The following EXOC4 variants were observed in gnomAD, a reference collection of about 807,000 sequenced individuals.
EXOC4 encodes exocyst complex component 4.
Under a neutral mutation model 107.2 loss-of-function variants are expected in EXOC4, and 71 were observed. The observed-to-expected ratio is 0.66, with a 90% CI of 0.55 to 0.81. EXOC4 has a LOEUF of 0.81. Among genes scored for constraint, EXOC4 ranks in the 30% least tolerant of loss-of-function variants. The pLI is 0.00. For synonymous variants in EXOC4, 456 were observed against 441.2 expected, an observed-to-expected ratio of 1.03 and a Z score of -0.42; for missense variants, 1,108 against 1,189.6, an observed-to-expected ratio of 0.93 and a Z score of 1.01.
chr7:133,975,844 CAGGT>C lies in EXOC4; in HGVS notation c.2207-21645_2207-21642del, dbSNP rs202099452. On this transcript the variant is annotated intron_variant, in intron 14 of 17. Transcript: ENST00000253861. Reference sequence around the variant, plus strand: ...TTTTACAAATTGGGAAACTGAGTCACAGGTAGAGTAAAATAACTCAAACAAGGAC... The same window carrying C: ...TTTTACAAATTGGGAAACTGAGTCACAGAGTAAAATAACTCAAACAAGGAC... Among the ~76,000 whole-genome samples, 19 of 152,120 alleles carry C rather than the reference CAGGT, an allele frequency of 1.2e-4. No individual in the cohort carries two copies. The East Asian group carries it at 3.1e-3, about 25-fold the overall frequency.
intron 14 of EXOC4, among the ~76,000 whole-genome samples, chr7:133,989,548 C>G (rs1794198926): frequency 1.3e-5 from 2 of 151,972 alleles, no homozygotes; most frequent in Admixed American, 1.3e-4. Context: ...AAAACAACAC[C>G]CAGAAGAGTA....
At chr7:133,285,280 G>A (rs1036068127) in intron 2 of EXOC4, among the ~76,000 whole-genome samples, 2 of 152,120 alleles carry the variant, frequency 1.3e-5, no homozygotes, top group Non-Finnish European at 2.9e-5. Context: ...CCTTTCTTCT[G>A]TATTGTATTT....
chr7:133,503,976 C>T (rs1268511618), intron 9 of EXOC4, among the ~76,000 whole-genome samples: 4 of 150,244 alleles, frequency 2.7e-5, no homozygotes, highest in Admixed American at 6.6e-5. Context: ...CATAGACACA[C>T]GTATGTATAT....
intron 1 of EXOC4, among the ~76,000 whole-genome samples, chr7:133,271,410 G>T (rs944538666): frequency 1.3e-5 from 2 of 152,156 alleles, no homozygotes; most frequent in African/African-American, 4.8e-5. Context: ...CAATGACTTA[G>T]ATTTTATTAT....
intron 11 of EXOC4, among the ~76,000 whole-genome samples, chr7:133,856,235 T>C (rs1798370205): frequency 6.6e-6 from 1 of 152,204 alleles, no homozygotes; most frequent in South Asian, 2.1e-4. Context: ...CTACAGCACC[T>C]ATATGGGAAT....
chr7:133,910,877 G>GC (rs1410721808), intron 12 of EXOC4, among the ~76,000 whole-genome samples: 1 of 152,120 alleles, frequency 6.6e-6, no homozygotes, highest in Non-Finnish European at 1.5e-5. Context: ...AATCCAATTA[G>GC]CCCCACCTGC....
chr7:133,354,572 C>T (rs1054016316), intron 5 of EXOC4, among the ~76,000 whole-genome samples: 2 of 152,092 alleles, frequency 1.3e-5, no homozygotes, highest in Non-Finnish European at 2.9e-5. Flanking sequence ...CTGGAATTTA[C>T]TTCAGCAAGA....
intron 7 of EXOC4, among the ~76,000 whole-genome samples, chr7:133,390,209 C>T (rs1405765386): frequency 5.9e-5 from 9 of 152,200 alleles, no homozygotes; most frequent in Admixed American, 3.9e-4. Flanking sequence ...CTCAGAAACT[C>T]GTGAGTGAAC....
intron 14 of EXOC4, among the ~76,000 whole-genome samples, chr7:133,959,102 A>G (rs776966718): frequency 7.9e-5 from 12 of 152,156 alleles, no homozygotes; most frequent in Non-Finnish European, 1.5e-5. Context: ...GACAACTACA[A>G]TGCATCAGCC....
At chr7:133,740,443 A>G (rs1795540561) in intron 10 of EXOC4, among the ~76,000 whole-genome samples, 1 of 152,160 alleles carries the variant, frequency 6.6e-6, no homozygotes, top group African/African-American at 2.4e-5. Context: ...TGCTTCATAA[A>G]TGTAGTCCAT....
chr7:133,719,861 C>G (rs1004089835), intron 10 of EXOC4, among the ~76,000 whole-genome samples: 2 of 152,082 alleles, frequency 1.3e-5, no homozygotes, highest in African/African-American at 4.8e-5. Flanking sequence ...TGTTTTCTAA[C>G]CCCGTCTAGC....
In EXOC4 at chr7:134,036,958, C is replaced by A. The variant is rs528445906; in HGVS notation, c.2688-27333C>A. 1.9e-4 allele frequency among the ~76,000 whole-genome samples: 29 copies of A among 152,222 alleles called. No homozygotes were observed. The Middle Eastern group carries it at 0.01, about 54-fold the overall frequency. ...AAAATGAAACTGCAAGTAAAATGCCCAGTACAAATAGAAGGGGGAGATTAG... is the reference window on the plus strand; with the variant it reads ...AAAATGAAACTGCAAGTAAAATGCCAAGTACAAATAGAAGGGGGAGATTAG... On this transcript the variant is annotated intron_variant, in intron 17 of 17. Transcript: ENST00000253861.
At chr7:133,493,350 T>C (rs760245966) in intron 9 of EXOC4, among the ~76,000 whole-genome samples, 29 of 152,106 alleles carry the variant, frequency 1.9e-4, no homozygotes, top group Non-Finnish European at 3.7e-4. Context: ...GGCAGGAGAA[T>C]TACGTGAACC....
At chr7:133,697,254 GTT>G (rs1314825959) in intron 10 of EXOC4, among the ~76,000 whole-genome samples, 1 of 151,830 alleles carries the variant, frequency 6.6e-6, no homozygotes, top group South Asian at 2.1e-4. Context: ...CTTTGTCTCT[GTT>G]TTTTTAAATT....
At chr7:133,624,135 G>A (rs760982904) in intron 9 of EXOC4, among the ~76,000 whole-genome samples, 1 of 152,084 alleles carries the variant, frequency 6.6e-6, no homozygotes, top group Non-Finnish European at 1.5e-5. Flanking sequence ...TCTTTTCTAC[G>A]TGGAAAGGCC....
chr7:133,915,531 GT>G (rs1032969092), intron 12 of EXOC4, among the ~76,000 whole-genome samples: 2 of 152,094 alleles, frequency 1.3e-5, no homozygotes, highest in African/African-American at 4.8e-5. Context: ...AAGGGCAAAT[GT>G]TTTTTTAAAG....
intron 15 of EXOC4, among the ~76,000 whole-genome samples, chr7:133,997,916 A>G (rs1004478581): frequency 1.3e-5 from 2 of 152,182 alleles, no homozygotes; most frequent in Non-Finnish European, 2.9e-5. Context: ...AATTAACTTT[A>G]CAAACCACAG....
At chr7:133,296,609 C>T (rs1431129880) in intron 3 of EXOC4, among the ~76,000 whole-genome samples, 1 of 151,862 alleles carries the variant, frequency 6.6e-6, no homozygotes, top group African/African-American at 2.4e-5. Flanking sequence ...GCTCAAGGCC[C>T]TTTTTATTTA....
chr7:133,794,516 C>G (rs1344723251), intron 10 of EXOC4, among the ~76,000 whole-genome samples: 1 of 152,144 alleles, frequency 6.6e-6, no homozygotes, highest in Non-Finnish European at 1.5e-5. Context: ...ATTAAGTTAC[C>G]TGTTTTCCTG....
Sources: gnomAD v4.1 joint callset for allele counts (sites outside exome capture counted in the v4.1 genomes callset) on GRCh38, gnomAD v4.1.1 for gene constraint, MANE v1.5 for transcripts, NCBI Gene and HGNC (gene_info 2026-07-23, HGNC 2026-07-21) for gene names.